The following ANKRD36C variants were observed in gnomAD, a reference collection of about 807,000 sequenced individuals.
ANKRD36C encodes ankyrin repeat domain 36C.
In ANKRD36C, 61 loss-of-function variants were observed where a neutral mutation model predicts 276.4. The observed-to-expected ratio is 0.22, with a 90% CI of 0.18 to 0.27. ANKRD36C has a LOEUF of 0.27. Ranked by LOEUF, ANKRD36C falls within the 10% of genes least tolerant of loss-of-function variation. The pLI is 1.00. For synonymous variants in ANKRD36C, 483 were observed against 680.1 expected, an observed-to-expected ratio of 0.71 and a Z score of 4.51; for missense variants, 1,447 against 2,032.3, an observed-to-expected ratio of 0.71 and a Z score of 5.54.
At chr2:95,891,463 G>T (rs1259192232) in intron 46 of ANKRD36C, among the ~76,000 whole-genome samples, 1 of 151,418 alleles carries the variant, frequency 6.6e-6, no homozygotes, top group Non-Finnish European at 1.5e-5. Context: ...TTTCAATGGG[G>T]GGAAGTGTAT....
chr2:95,977,076 G>A (rs1020636593), intron 6 of ANKRD36C, among the ~76,000 whole-genome samples: 8 of 151,810 alleles, frequency 5.3e-5, no homozygotes, highest in Non-Finnish European at 1.0e-4. Flanking sequence ...ATCATTCTAC[G>A]TCTGCATCTC....
intron 59 of ANKRD36C, among the ~76,000 whole-genome samples, chr2:95,874,372 C>A (rs1387978574): frequency 6.6e-6 from 1 of 152,164 alleles, no homozygotes; most frequent in East Asian, 1.9e-4. Flanking sequence ...AGAAATAACG[C>A]CGCATATCTA....
exon 42 of ANKRD36C, chr2:95,912,312 G>C: frequency 1.3e-6 from 2 of 1,583,164 alleles, no homozygotes; most frequent in Middle Eastern, 2.3e-4. Flanking sequence ...CTCATCACTT[G>C]TAGCCTGAAT....
rs1427177627 is a variant in ANKRD36C at position 95,912,576 on chromosome 2, A to T, written c.2552-141T>A. On this transcript the variant is annotated intron_variant, in intron 40 of 66. Coordinates refer to ENST00000456556, the Ensembl canonical transcript of ANKRD36C. ...GATGGCTTCTATTTTGTGTCTGGGG[A>T]CCAGAACGTGACAGAAACACACTGA... The T allele has an allele frequency of 4.0e-6, 6 of 1,503,302 alleles. No homozygotes were observed. In the African/African-American group the frequency reaches 8.3e-5, roughly 21 times the overall value. 93.1% of individuals were successfully genotyped at this position (1,503,302 alleles called of 1,614,324 possible).
rs1411475452 is a variant in ANKRD36C at position 95,876,833 on chromosome 2, G to C, written c.3470-324C>G. Among the ~76,000 whole-genome samples the C allele has an allele frequency of 5.1e-5, 7 of 136,012 alleles. No homozygotes were observed. The Admixed American group carries it at 5.3e-4, about 10-fold the overall frequency. 89.2% of individuals were successfully genotyped at this position (136,012 alleles called of 152,430 possible). A position where few individuals can be genotyped will look rare whatever the true frequency, so the allele number is the denominator to read the frequency against. ...TCACCACTGCACCTCCAGCCTGGGT[G>C]GCAGAGCGAGACTGTGTCTCAAAAA... On this transcript the variant is annotated intron_variant, in intron 58 of 66. Transcript: ENST00000456556.
chr2:95,926,744 C>T (rs537391279), intron 28 of ANKRD36C, among the ~76,000 whole-genome samples: 10 of 151,534 alleles, frequency 6.6e-5, no homozygotes, highest in Non-Finnish European at 1.0e-4. Flanking sequence ...TCTTATTTTC[C>T]CTCCTTCCTG....
intron 48 of ANKRD36C, among the ~76,000 whole-genome samples, chr2:95,888,711 T>C (rs1013233116): frequency 1.3e-4 from 19 of 151,702 alleles, no homozygotes; most frequent in Non-Finnish European, 5.9e-5. Context: ...TGTGGTGTAA[T>C]AATTTGCCTA....
Position 95,914,286 on chromosome 2 carries a change from C to A in ANKRD36C, c.2467G>T (p.Ala823Ser), listed in dbSNP as rs143529115. 4,343 of 1,549,740 alleles carry A rather than the reference C, an allele frequency of 2.8e-3. 5 individuals carry two copies. Among genetic ancestry groups the A allele is most frequent in the Non-Finnish European group, 3.5e-3 (4,062 of 1,145,606 alleles). The change falls in exon 39 of 67, where the codon GCA (alanine) becomes TCA (serine). Residue 823 changes from alanine (A) to serine (S), a missense_variant. Coordinates refer to ENST00000456556, the Ensembl canonical transcript of ANKRD36C. ...GACAGTTTCATTACCTTCAAGCCTG[C>A]TGGTTTCTCAGAAGTCACTGAAAAG...
exon 54 of ANKRD36C, chr2:95,884,227 C>T: frequency 6.2e-7 from 1 of 1,609,906 alleles, no homozygotes; most frequent in Non-Finnish European, 8.5e-7. Flanking sequence ...GAAACAGAAT[C>T]TTTCTCATCA....
At chr2:95,889,905 T>C (rs1676295952) in intron 47 of ANKRD36C, 34 bp from the exon 68 acceptor site, 1 of 1,607,886 alleles carries the variant, frequency 6.2e-7, no homozygotes, top group Non-Finnish European at 8.5e-7. Context: ...AGTCAATAAA[T>C]AAAGTATGTT....
chr2:95,971,598 T>C (rs957669341), intron 6 of ANKRD36C, among the ~76,000 whole-genome samples: 2 of 152,070 alleles, frequency 1.3e-5, no homozygotes, highest in African/African-American at 2.4e-5. Flanking sequence ...AAACACAATA[T>C]GAATATTCTC....
At chr2:95,926,506 A>T (rs1463906670) in intron 28 of ANKRD36C, among the ~76,000 whole-genome samples, 1 of 151,616 alleles carries the variant, frequency 6.6e-6, no homozygotes, top group Non-Finnish European at 1.5e-5. Context: ...ATGCATATTC[A>T]TGTTTATGTC....
At chr2:95,983,934 G>A (rs1361317396) in intron 3 of ANKRD36C, among the ~76,000 whole-genome samples, 1 of 151,924 alleles carries the variant, frequency 6.6e-6, no homozygotes, top group South Asian at 2.1e-4. Flanking sequence ...GCATTTTTAG[G>A]AGGCAATGCT....
At chr2:95,908,831 TC>T (rs1469344592) in intron 42 of ANKRD36C, 134 bp from the exon 47 acceptor site, 1 of 1,473,194 alleles carries the variant, frequency 6.8e-7, no homozygotes, top group South Asian at 1.2e-5. Flanking sequence ...CTACTTTGTG[TC>T]TGGGGACTAG....
intron 24 of ANKRD36C, among the ~76,000 whole-genome samples, chr2:95,931,016 G>A (rs1677553104): frequency 6.6e-6 from 1 of 151,486 alleles, no homozygotes; most frequent in Non-Finnish European, 1.5e-5. Context: ...TGCTTTCTTT[G>A]TTTACACCTG....
chr2:95,876,361 T>A (rs1675953242), intron 59 of ANKRD36C, 78 bp downstream of exon 79: 8 of 1,147,948 alleles, frequency 7.0e-6, no homozygotes, highest in African/African-American at 1.5e-5. Context: ...CAAAGGTAAA[T>A]TCATTTCAAA....
intron 60 of ANKRD36C, among the ~76,000 whole-genome samples, chr2:95,864,065 T>C (rs1398396458): frequency 6.6e-6 from 1 of 151,956 alleles, no homozygotes; most frequent in Non-Finnish European, 1.5e-5. Flanking sequence ...TAAACATGTA[T>C]TGGATTGGGG....
chr2:95,978,608 A>G (rs1232631396), intron 5 of ANKRD36C, among the ~76,000 whole-genome samples: 1 of 152,146 alleles, frequency 6.6e-6, no homozygotes, highest in South Asian at 2.1e-4. Context: ...ACAGAGAAAT[A>G]GTAAAGCAGT....
intron 19 of ANKRD36C, 68 bp downstream of exon 19, chr2:95,944,559 G>C: frequency 7.1e-7 from 1 of 1,409,224 alleles, no homozygotes; most frequent in East Asian, 2.5e-5. Flanking sequence ...TAACAGATAA[G>C]AGTGAGTTGG....
Sources: gnomAD v4.1 joint callset for allele counts (sites outside exome capture counted in the v4.1 genomes callset) on GRCh38, gnomAD v4.1.1 for gene constraint, MANE v1.5 for transcripts, NCBI Gene and HGNC (gene_info 2026-07-23, HGNC 2026-07-21) for gene names.